SMURF1: variants seen among roughly 807,000 people sequenced by gnomAD.
The protein encoded by SMURF1 is SMAD specific E3 ubiquitin protein ligase 1.
In SMURF1, 44 loss-of-function variants were observed where a neutral mutation model predicts 98.0. That is an observed-to-expected ratio of 0.45 (90% CI 0.35 to 0.58). The LOEUF is 0.58. Among genes scored for constraint, SMURF1 ranks in the 20% least tolerant of loss-of-function variants. SMURF1 has a pLI of 0.00. For synonymous variants in SMURF1, 396 were observed against 374.9 expected (o/e 1.06, Z -0.65); for missense variants, 687 against 938.4 (o/e 0.73, Z 3.50).
intron 1 of SMURF1, among the ~76,000 whole-genome samples, chr7:99,073,377 CAA>C (rs766203496): frequency 1.9e-4 from 17 of 88,720 alleles, no homozygotes; most frequent in Admixed American, 3.8e-4. Context: ...GACTCCATCT[CAA>C]AAAAAAAAAA....
chr7:99,126,423 T>C (rs186600952), intron 1 of SMURF1, among the ~76,000 whole-genome samples: 70 of 151,976 alleles, frequency 4.6e-4, no homozygotes, highest in Middle Eastern at 3.4e-3. Flanking sequence ...TTTGGTTGGC[T>C]GAGGCAGGCG....
intron 1 of SMURF1, among the ~76,000 whole-genome samples, chr7:99,080,835 A>C (rs916744638): frequency 6.6e-6 from 1 of 152,202 alleles, no homozygotes; most frequent in African/African-American, 2.4e-5. Context: ...CCAGGAAAAC[A>C]GAAGTCTGCA....
intron 12 of SMURF1, 34 bp downstream of exon 12, chr7:99,042,084 T>C: frequency 6.5e-7 from 1 of 1,534,988 alleles, no homozygotes; most frequent in Non-Finnish European, 9.0e-7. Flanking sequence ...CTTCTCCAAC[T>C]CAATTCCCTA....
rs545374205 is a variant in SMURF1, at chr7:99,081,873, G to A, written c.56-20036C>T. 1.5e-3 allele frequency among the ~76,000 whole-genome samples: 229 copies of A among 152,252 alleles called. 2 individuals are homozygous for A. The highest frequency in any genetic ancestry group is 5.3e-3 in the African/African-American group (222 of 41,546). ...TTGCCGTGTTGGCCAGGCTGGTCTC[G>A]AACTCCTAACCTCAGGTGATCCACC... On this transcript the variant is annotated intron_variant, in intron 1 of 17. Transcript: ENST00000361368.
At chr7:99,051,501 C>A in intron 7 of SMURF1, 60 bp from the exon 8 acceptor site, 4 of 1,331,122 alleles carry the variant, frequency 3.0e-6, no homozygotes, top group Non-Finnish European at 3.3e-6. Context: ...AGTTTGTAAC[C>A]AACCCTCGAT....
chr7:99,082,252 C>G (rs1345526609), intron 1 of SMURF1, among the ~76,000 whole-genome samples: 1 of 152,160 alleles, frequency 6.6e-6, no homozygotes, highest in South Asian at 2.1e-4. Flanking sequence ...CTTCAAGAGT[C>G]CTTTGAAGCA....
chr7:99,105,495 T>C (rs1269071333), intron 1 of SMURF1, among the ~76,000 whole-genome samples: 1 of 152,196 alleles, frequency 6.6e-6, no homozygotes, highest in Non-Finnish European at 1.5e-5. Context: ...TAAACCCTTT[T>C]CATGTTAATC....
chr7:99,090,219 G>A (rs1011035096), intron 1 of SMURF1, among the ~76,000 whole-genome samples: 1 of 152,152 alleles, frequency 6.6e-6, no homozygotes, highest in African/African-American at 2.4e-5. Context: ...GTGATCCGGG[G>A]CACTGGGTGC....
chr7:99,076,857 ATG>A (rs1563018602), intron 1 of SMURF1, among the ~76,000 whole-genome samples: 4 of 151,738 alleles, frequency 2.6e-5, no homozygotes, highest in South Asian at 2.1e-4. Flanking sequence ...GTGCACGTGC[ATG>A]TGTGTGCGTG....
intron 1 of SMURF1, among the ~76,000 whole-genome samples, chr7:99,117,574 C>T (rs1797487523): frequency 6.6e-6 from 1 of 150,966 alleles, no homozygotes; most frequent in Admixed American, 6.6e-5. Flanking sequence ...TGGTCTCAAA[C>T]TCCTGACCTC....
At chr7:99,112,387 C>T (rs1797344873) in intron 1 of SMURF1, among the ~76,000 whole-genome samples, 1 of 152,178 alleles carries the variant, frequency 6.6e-6, no homozygotes, top group Non-Finnish European at 1.5e-5. Context: ...GATTCATCAG[C>T]TGACCACTAA....
rs760721722 is a variant in SMURF1, at chr7:99,033,051, C to T, written c.2082G>A (p.Pro694=). The T allele has an allele frequency of 6.3e-6, 10 of 1,596,234 alleles. No homozygotes were observed. The South Asian group carries it at 7.9e-5, about 13-fold the overall frequency. ...GCGGTGCTTACCAGGTATGGGCCTT[C>T]GGAAGGTTGTCTGTGTTCGCGTCTA... The part of the protein sequence containing the change: ...HLIDANTDNL[P]KAHTCFNRID... Residue 694 remains proline (P), a synonymous_variant, in exon 17 of 18, where the codon CCG becomes CCA. Transcript: ENST00000361368.
At chr7:99,139,151 A>C (rs777598629) in intron 1 of SMURF1, among the ~76,000 whole-genome samples, 3 of 152,226 alleles carry the variant, frequency 2.0e-5, no homozygotes, top group African/African-American at 4.8e-5. Flanking sequence ...ACTATTTTGA[A>C]TCAATTGAGA....
chr7:99,063,450 A>G (rs983657775), intron 1 of SMURF1, among the ~76,000 whole-genome samples: 4 of 148,878 alleles, frequency 2.7e-5, no homozygotes, highest in South Asian at 2.2e-4. Flanking sequence ...ACACCACCAC[A>G]CCCAACTAAC....
At chr7:99,085,196 CAA>C in intron 1 of SMURF1, among the ~76,000 whole-genome samples, 1 of 151,308 alleles carries the variant, frequency 6.6e-6, no homozygotes, top group East Asian at 1.9e-4. Flanking sequence ...ACTAAAAATA[CAA>C]AAAAATTAGC....
intron 1 of SMURF1, among the ~76,000 whole-genome samples, chr7:99,098,946 C>G (rs1377698887): frequency 6.6e-6 from 1 of 152,034 alleles, no homozygotes; most frequent in Non-Finnish European, 1.5e-5. Flanking sequence ...GCAGCAAAGA[C>G]AAGGAAATAA....
At chr7:99,116,223 G>A (rs1797447454) in intron 1 of SMURF1, among the ~76,000 whole-genome samples, 2 of 123,558 alleles carry the variant, frequency 1.6e-5, no homozygotes, top group South Asian at 6.2e-4. Context: ...TTTTTTGACA[G>A]ATTCCAACAT....
At chr7:99,086,956 C>T (rs139631447) in intron 1 of SMURF1, among the ~76,000 whole-genome samples, 64 of 152,156 alleles carry the variant, frequency 4.2e-4, no homozygotes, top group African/African-American at 1.5e-3. Flanking sequence ...GTTTCTTTTT[C>T]GGGTGATGAA....
At chr7:99,060,160 T>G (rs1465384872) in intron 3 of SMURF1, among the ~76,000 whole-genome samples, 6 of 151,208 alleles carry the variant, frequency 4.0e-5, no homozygotes, top group Middle Eastern at 6.8e-3. Flanking sequence ...GGCAGATCAC[T>G]TGAGGTCAGG....
Sources: gnomAD v4.1 joint callset for allele counts (sites outside exome capture counted in the v4.1 genomes callset) on GRCh38, gnomAD v4.1.1 for gene constraint, MANE v1.5 for transcripts, NCBI Gene and HGNC (gene_info 2026-07-23, HGNC 2026-07-21) for gene names.